The following SH2D1A variants were observed in gnomAD, a reference collection of about 807,000 sequenced individuals.
The protein encoded by SH2D1A is SH2 domain containing 1A.
In SH2D1A, 6 loss-of-function variants were observed where a neutral mutation model predicts 10.1. The observed-to-expected ratio is 0.60, with a 90% CI of 0.33 to 1.18. The LOEUF (loss-of-function observed/expected upper bound fraction) is 1.18, where lower values mean the gene tolerates loss of function less well. Ranked by LOEUF, SH2D1A falls within the 50% of genes most tolerant of loss-of-function variation. The pLI is 0.04. For synonymous variants in SH2D1A, 42 were observed against 36.9 expected, an observed-to-expected ratio of 1.14 and a Z score of -0.51; for missense variants, 51 against 97.6, an observed-to-expected ratio of 0.52 and a Z score of 2.01.
chrX:124,350,208 A>T (rs2060004955), intron 1 of SH2D1A, among the ~76,000 whole-genome samples: 1 of 52,728 alleles, frequency 1.9e-5, no homozygotes, highest in African/African-American at 8.6e-5. Context: ...TATAATATAA[A>T]ATATATAATA....
intron 1 of SH2D1A, among the ~76,000 whole-genome samples, chrX:124,364,619 C>G (rs1268824784): frequency 1.8e-5 from 2 of 110,440 alleles, no homozygotes; most frequent in East Asian, 5.7e-4. Flanking sequence ...ATTCTCCTGC[C>G]TCAGTGCCTC....
intron 2 of SH2D1A, among the ~76,000 whole-genome samples, chrX:124,368,924 G>C (rs1459134767): frequency 9.0e-6 from 1 of 111,719 alleles, no homozygotes; most frequent in Non-Finnish European, 1.9e-5. Context: ...TCTCAATCGA[G>C]CTTTAGGAAG....
intron 2 of SH2D1A, among the ~76,000 whole-genome samples, chrX:124,366,586 T>C (rs1240468153): frequency 9.0e-6 from 1 of 111,299 alleles, no homozygotes; most frequent in Non-Finnish European, 1.9e-5. Context: ...TTCAAGAAGT[T>C]AAAATAGCTC....
At position 124,354,192 on chromosome X, in the gene SH2D1A, A is replaced by C. The variant is rs763235548; in HGVS notation, c.137+7413A>C. Among the ~76,000 whole-genome samples, 8 of 111,953 alleles carry C rather than the reference A, an allele frequency of 7.1e-5. No individual in the cohort carries two copies. The South Asian group carries it at 3.0e-3, about 42-fold the overall frequency. ...ATTGTTTGCCACATATAAACCACCG[A>C]ATGGATAATTCACGGCAAATAAGCC... is the stretch of plus-strand genomic sequence containing the variant. On this transcript the variant is annotated intron_variant, in intron 1 of 3. Coordinates refer to ENST00000371139, the MANE Select transcript of SH2D1A (RefSeq NM_002351.5).
At chrX:124,361,449 AGAG>A (rs1910443215) in intron 1 of SH2D1A, among the ~76,000 whole-genome samples, 1 of 112,037 alleles carries the variant, frequency 8.9e-6, no homozygotes, top group South Asian at 3.7e-4. Context: ...TTTGGTACTG[AGAG>A]GAGGAGTATT....
At chrX:124,356,245 A>G (rs1015211149) in intron 1 of SH2D1A, among the ~76,000 whole-genome samples, 1 of 109,592 alleles carries the variant, frequency 9.1e-6, no homozygotes, top group Non-Finnish European at 1.9e-5. Context: ...ATCCTTTTTT[A>G]TGGCTGCATA....
At chrX:124,368,612 G>A (rs928272830) in intron 2 of SH2D1A, among the ~76,000 whole-genome samples, 3 of 112,368 alleles carry the variant, frequency 2.7e-5, no homozygotes, top group African/African-American at 3.2e-5. Flanking sequence ...TGGGTCCTGG[G>A]ATTCTGAGCC....
At chrX:124,350,544 A>G (rs2060009485) in intron 1 of SH2D1A, among the ~76,000 whole-genome samples, 1 of 51,476 alleles carries the variant, frequency 1.9e-5, no homozygotes, top group Non-Finnish European at 3.1e-5. Context: ...TATATAATAT[A>G]TACTATATTA....
chrX:124,371,337 T>C lies in SH2D1A; in HGVS notation c.347-14T>C. 1 of 1,129,444 alleles carries C rather than the reference T, an allele frequency of 8.9e-7. No individual in the cohort carries two copies. The highest frequency in any genetic ancestry group is 1.2e-6 in the Non-Finnish European group (1 of 825,928). The allele number at this position is 1,129,444 out of a possible 1,213,427, so 93.1% of individuals were successfully genotyped here. A position where few individuals can be genotyped will look rare whatever the true frequency, so the allele number is the denominator to read the frequency against. Reference sequence around the variant, plus strand: ...TAAGTTTATTTTTTCTTGATTTTTGTTATTTTTCTTTAGGGATAAGAGAAG... The same window carrying C: ...TAAGTTTATTTTTTCTTGATTTTTGCTATTTTTCTTTAGGGATAAGAGAAG... On this transcript the variant is annotated splice_polypyrimidine_tract_variant and intron_variant, in intron 3 of 3. Coordinates refer to ENST00000371139, the MANE Select transcript of SH2D1A (RefSeq NM_002351.5).
At chrX:124,365,929 T>G in intron 2 of SH2D1A, 105 bp downstream of exon 2, 1 of 546,212 alleles carries the variant, frequency 1.8e-6, no homozygotes, top group Non-Finnish European at 3.2e-6. Context: ...ATTCATAAGG[T>G]TTAAATCTCT....
intron 1 of SH2D1A, among the ~76,000 whole-genome samples, chrX:124,363,207 C>T (rs945041341): frequency 3.6e-5 from 4 of 110,881 alleles, no homozygotes; most frequent in African/African-American, 1.3e-4. Context: ...GAATGTTTAC[C>T]CCATTTAAAA....
chrX:124,360,155 C>G (rs1442125417), intron 1 of SH2D1A, among the ~76,000 whole-genome samples: 1 of 111,078 alleles, frequency 9.0e-6, no homozygotes, highest in Non-Finnish European at 1.9e-5. Context: ...ATCTGCCCAC[C>G]TCAGCCACCC....
At chrX:124,352,646 G>A (rs1354065329) in intron 1 of SH2D1A, among the ~76,000 whole-genome samples, 2 of 111,690 alleles carry the variant, frequency 1.8e-5, no homozygotes, top group Non-Finnish European at 3.8e-5. Context: ...AATTGTATAT[G>A]CATAGCACAT....
chrX:124,363,133 T>C (rs2060044241), intron 1 of SH2D1A, among the ~76,000 whole-genome samples: 1 of 111,875 alleles, frequency 8.9e-6, no homozygotes, highest in Non-Finnish European at 1.9e-5. Flanking sequence ...AGTAAAACTC[T>C]TGGCATGTAG....
intron 1 of SH2D1A, among the ~76,000 whole-genome samples, chrX:124,361,982 T>A (rs1168947042): frequency 8.9e-6 from 1 of 111,971 alleles, no homozygotes; most frequent in Non-Finnish European, 1.9e-5. Flanking sequence ...TGTCACTACT[T>A]AAGATTACTT....
At chrX:124,360,856 A>G (rs1423049237) in intron 1 of SH2D1A, among the ~76,000 whole-genome samples, 1 of 111,161 alleles carries the variant, frequency 9.0e-6, no homozygotes, top group Non-Finnish European at 1.9e-5. Context: ...AATATAACAA[A>G]TAATCTATAT....
chrX:124,347,395 T>C (rs1244840556), intron 1 of SH2D1A, among the ~76,000 whole-genome samples: 2 of 111,304 alleles, frequency 1.8e-5, no homozygotes, highest in African/African-American at 6.5e-5. Flanking sequence ...AATAGGACCC[T>C]TCTTGATAAA....
rs1486972963 is a variant in SH2D1A, at chrX:124,367,279, T to C, written c.201+1455T>C. On this transcript the variant is annotated intron_variant, in intron 2 of 3. Transcript: ENST00000371139. ...AATTTTTGAAATGCATATTGCATTT[T>C]TTTCTATCTACTAAATTTACCTTCT... is the stretch of plus-strand genomic sequence containing the variant. 3.6e-5 allele frequency among the ~76,000 whole-genome samples: 4 copies of C among 112,475 alleles called. No individual in the cohort carries two copies. In the East Asian group the frequency reaches 8.3e-4, roughly 23 times the overall value.
chrX:124,350,206 A>AT (rs1383113635), intron 1 of SH2D1A, among the ~76,000 whole-genome samples: 4 of 59,275 alleles, frequency 6.7e-5, no homozygotes, highest in South Asian at 7.4e-4. Flanking sequence ...TATATAATAT[A>AT]AAATATATAA....
Sources: allele counts gnomAD v4.1 joint callset (sites outside exome capture counted in the v4.1 genomes callset), GRCh38; gene constraint gnomAD v4.1.1; transcripts MANE v1.5; gene names NCBI Gene and HGNC (gene_info 2026-07-23, HGNC 2026-07-21).